The following SYNE1 variants were observed in gnomAD, a reference collection of about 807,000 sequenced individuals.
SYNE1 encodes nesprin-1.
In SYNE1, 616 loss-of-function variants were observed where a neutral mutation model predicts 1,111.0. The ratio of observed to expected loss-of-function variants is 0.55; its 90% CI spans 0.52 to 0.59. The LOEUF (loss-of-function observed/expected upper bound fraction) is 0.59. SYNE1 is among the 20% of genes least tolerant of loss of function. The pLI is 0.00. For missense variants in SYNE1, 10,006 were observed against 10,417.0 expected (o/e 0.96, Z 1.72); for synonymous variants, 3,855 against 3,825.8 (o/e 1.01, Z -0.28).
intron 105 of SYNE1, among the ~76,000 whole-genome samples, chr6:152,246,791 C>A (rs576234825): frequency 7.2e-4 from 109 of 152,284 alleles, no homozygotes; most frequent in African/African-American, 2.6e-3. Context: ...CACTGGAAAC[C>A]TTTGGGAATT....
intron 11 of SYNE1, among the ~76,000 whole-genome samples, chr6:152,495,926 C>T (rs574510173): frequency 6.6e-6 from 1 of 152,286 alleles, no homozygotes; most frequent in African/African-American, 2.4e-5. Flanking sequence ...ATTTTATATT[C>T]GAGTGCTATT....
Position 152,385,663 on chromosome 6 carries a change from C to T in SYNE1, c.8652+11G>A. On this transcript the variant is annotated intron_variant, in intron 55 of 145. Coordinates refer to ENST00000367255, the MANE Select transcript of SYNE1 (RefSeq NM_182961.4). ...AAGCAATGTAGATATAGCATCTGTTCATTTCCTGACCTTAATTTTTGATAA... is the reference window on the plus strand; with the variant it reads ...AAGCAATGTAGATATAGCATCTGTTTATTTCCTGACCTTAATTTTTGATAA... 2 of 1,613,950 alleles carry T rather than the reference C, an allele frequency of 1.2e-6. No individual in the cohort carries two copies. Among genetic ancestry groups the T allele is most frequent in the South Asian group, 2.2e-5 (2 of 91,078 alleles).
chr6:152,563,470 A>G (rs950595016), intron 3 of SYNE1, among the ~76,000 whole-genome samples: 1 of 152,190 alleles, frequency 6.6e-6, no homozygotes, highest in Non-Finnish European at 1.5e-5. Context: ...TTTTCATTCG[A>G]TATTTAGAAA....
chr6:152,416,320 A>T, intron 41 of SYNE1, 67 bp downstream of exon 41: 1 of 1,602,620 alleles, frequency 6.2e-7, no homozygotes, highest in Non-Finnish European at 8.5e-7. Flanking sequence ...AAAGTTTTGC[A>T]TAAAAGTTAA....
At chr6:152,290,271 A>G (rs1313944044) in intron 95 of SYNE1, among the ~76,000 whole-genome samples, 2 of 152,162 alleles carry the variant, frequency 1.3e-5, no homozygotes, top group Non-Finnish European at 2.9e-5. Context: ...GAAATCTGTA[A>G]GACAGCCAAG....
At chr6:152,550,256 G>C (rs1347923018) in intron 3 of SYNE1, among the ~76,000 whole-genome samples, 1 of 145,704 alleles carries the variant, frequency 6.9e-6, no homozygotes, top group East Asian at 2.1e-4. Context: ...GGAAAGTTTG[G>C]TCTCATGTGG....
At chr6:152,561,611 G>A (rs2099395570) in intron 3 of SYNE1, among the ~76,000 whole-genome samples, 1 of 151,884 alleles carries the variant, frequency 6.6e-6, no homozygotes, top group East Asian at 1.9e-4. Flanking sequence ...AGACCATGAA[G>A]CAATTTTAAG....
chr6:152,272,733 T>C (rs1045870733), intron 98 of SYNE1, among the ~76,000 whole-genome samples: 1 of 152,232 alleles, frequency 6.6e-6, no homozygotes, highest in African/African-American at 2.4e-5. Flanking sequence ...CCAGCTTCAG[T>C]AGCACTAAGT....
chr6:152,214,346 G>A (rs1295486518), intron 122 of SYNE1, among the ~76,000 whole-genome samples: 1 of 152,128 alleles, frequency 6.6e-6, no homozygotes, highest in Non-Finnish European at 1.5e-5. Flanking sequence ...CACTAAACAT[G>A]AGAAACGACT....
intron 43 of SYNE1, 60 bp from the exon 44 acceptor site, chr6:152,409,286 C>A (rs1334975305): frequency 5.2e-6 from 8 of 1,530,420 alleles, no homozygotes; most frequent in Non-Finnish European, 7.2e-6. Flanking sequence ...GAGTTTAAAA[C>A]CATTTGTCTC....
chr6:152,313,413 C>T (rs917408458), intron 87 of SYNE1, among the ~76,000 whole-genome samples: 2 of 151,912 alleles, frequency 1.3e-5, no homozygotes, highest in African/African-American at 4.8e-5. Flanking sequence ...TACGAAGTCA[C>T]TCTGGTTCTC....
chr6:152,224,650 C>T lies in SYNE1; in HGVS notation c.21366G>A (p.Lys7122=). Residue 7122 remains lysine (K), a synonymous_variant, in exon 117 of 146, where the codon AAG becomes AAA. Coordinates refer to ENST00000367255, the MANE Select transcript of SYNE1 (RefSeq NM_182961.4). ...ANLDHMVGQL[K]ILLKSVLDQW... ...GGTCAAGCACTGATTTCAGCAGTAT[C>T]TTTAATTGTCCAACCTTTTGAAAAA... The T allele has an allele frequency of 1.2e-6, 2 of 1,613,764 alleles. No homozygotes were observed. Among genetic ancestry groups the T allele is most frequent in the South Asian group, 1.1e-5 (1 of 91,076 alleles).
rs771446969 is a variant in SYNE1, at chr6:152,453,615, C to T, written c.2998G>A (p.Ala1000Thr). 9.9e-6 allele frequency: 16 copies of T among 1,614,224 alleles called. No homozygotes were observed. The highest frequency in any genetic ancestry group is 1.4e-5 in the Non-Finnish European group (16 of 1,180,032). The stretch of plus-strand genomic sequence containing the variant: ...CATTGTTTGTGGAGCTTTCGAACAG[C>T]TTCCTGCAGCCCCTGCTGCTCCTGC... ...PEQEQQGLQE[A>T]VRKLHKQWKD... The change falls in exon 25 of 146, where the codon GCT (alanine) becomes ACT (threonine). Residue 1000 changes from alanine (A) to threonine (T), a missense_variant. By Grantham distance (58) the Ala-to-Thr change is moderately conservative. Transcript: ENST00000367255.
chr6:152,580,187 G>A (rs1025604185), intron 3 of SYNE1, among the ~76,000 whole-genome samples: 1 of 152,054 alleles, frequency 6.6e-6, no homozygotes, highest in African/African-American at 2.4e-5. Context: ...GTCATTTCTT[G>A]ACTTTTTAGT....
intron 121 of SYNE1, among the ~76,000 whole-genome samples, chr6:152,215,795 C>T (rs1012506292): frequency 3.9e-5 from 6 of 152,168 alleles, no homozygotes; most frequent in Non-Finnish European, 8.8e-5. Flanking sequence ...GGCACAGAAA[C>T]TAAGTAAATT....
intron 30 of SYNE1, among the ~76,000 whole-genome samples, chr6:152,443,364 A>G (rs1051631294): frequency 3.3e-5 from 5 of 152,130 alleles, no homozygotes; most frequent in African/African-American, 4.8e-5. Flanking sequence ...TCCCGGGTTC[A>G]TGCCATTCTC....
chr6:152,151,283 T>C (rs758810090), intron 135 of SYNE1, among the ~76,000 whole-genome samples: 3 of 150,928 alleles, frequency 2.0e-5, no homozygotes, highest in East Asian at 1.9e-4. Flanking sequence ...ATCAAGCTGA[T>C]TGAAAATCAA....
chr6:152,411,774 T>C lies in SYNE1; in HGVS notation c.6230+1578A>G, dbSNP rs554427897. ...AGATGGCTCTACACATCTAGCAGAATGTCAACCAAGCAAATAAACAAAAAT... is the reference window on the plus strand; with the variant it reads ...AGATGGCTCTACACATCTAGCAGAACGTCAACCAAGCAAATAAACAAAAAT... On this transcript the variant is annotated intron_variant, in intron 42 of 145. Coordinates refer to ENST00000367255, the MANE Select transcript of SYNE1 (RefSeq NM_182961.4). Among the ~76,000 whole-genome samples, 12 of 147,894 alleles carry C rather than the reference T, an allele frequency of 8.1e-5. 1 individual carries two copies. In the South Asian group the frequency reaches 2.5e-3, roughly 31 times the overall value.
At chr6:152,179,158 G>T (rs1044794145) in intron 129 of SYNE1, among the ~76,000 whole-genome samples, 2 of 151,974 alleles carry the variant, frequency 1.3e-5, no homozygotes, top group Non-Finnish European at 2.9e-5. Flanking sequence ...CTGGTGATCT[G>T]CCTGTCTCAC....
Sources: gnomAD v4.1 joint callset for allele counts (sites outside exome capture counted in the v4.1 genomes callset) on GRCh38, gnomAD v4.1.1 for gene constraint, MANE v1.5 for transcripts, NCBI Gene and HGNC (gene_info 2026-07-23, HGNC 2026-07-21) for gene names.